The following NLK variants were observed in gnomAD, a reference collection of about 807,000 sequenced individuals.
The protein encoded by NLK is serine/threonine-protein kinase NLK.
Under a neutral mutation model 59.0 loss-of-function variants are expected in NLK, and 11 were observed. The observed-to-expected ratio is 0.19, with a 90% CI of 0.12 to 0.31. The LOEUF is 0.31. Ranked by LOEUF, NLK falls within the 10% of genes least tolerant of loss-of-function variation. NLK has a pLI of 1.00. For missense variants in NLK, 410 were observed against 661.1 expected (o/e 0.62, Z 4.16); for synonymous variants, 235 against 235.9 (o/e 1.00, Z 0.03).
chr17:28,155,982 A>T (rs1383793824), intron 3 of NLK, among the ~76,000 whole-genome samples: 1 of 152,206 alleles, frequency 6.6e-6, no homozygotes, highest in African/African-American at 2.4e-5. Flanking sequence ...GTACCCATGC[A>T]CATTAGTTTC....
chr17:28,047,623 A>G (rs893283196), intron 1 of NLK, among the ~76,000 whole-genome samples: 3 of 152,184 alleles, frequency 2.0e-5, no homozygotes, highest in Admixed American at 6.5e-5. Flanking sequence ...GTTTGGATGA[A>G]AAAGTGTGAA....
Position 28,185,164 on chromosome 17 carries a change from T to C in NLK, c.1150-15T>C. On this transcript the variant is annotated splice_polypyrimidine_tract_variant and intron_variant, in intron 7 of 10. Transcript: ENST00000407008. ...AAGACTCACTTAAATATTTGAATTTTTAATTTTTTCACAGCCATCTCTTCC... is the reference window on the plus strand; with the variant it reads ...AAGACTCACTTAAATATTTGAATTTCTAATTTTTTCACAGCCATCTCTTCC... The C allele has an allele frequency of 6.6e-7, 1 of 1,506,060 alleles. No homozygotes were observed. The allele number at this position is 1,506,060 out of a possible 1,614,324, so 93.3% of individuals were successfully genotyped here.
downstream of NLK, among the ~76,000 whole-genome samples, chr17:28,198,574 C>G (rs567750574): frequency 6.6e-6 from 1 of 152,332 alleles, no homozygotes; most frequent in East Asian, 1.9e-4. Context: ...ATCCACCCAC[C>G]TTGGCCTCCC....
At chr17:28,086,004 A>T (rs1414580984) in intron 1 of NLK, among the ~76,000 whole-genome samples, 1 of 152,146 alleles carries the variant, frequency 6.6e-6, no homozygotes, top group African/African-American at 2.4e-5. Context: ...AAAATCACCT[A>T]ATGACGCATT....
At chr17:28,085,511 G>A (rs1410857323) in intron 1 of NLK, among the ~76,000 whole-genome samples, 1 of 152,094 alleles carries the variant, frequency 6.6e-6, no homozygotes, top group African/African-American at 2.4e-5. Flanking sequence ...AGGCCGAGGT[G>A]GGTGCATCAC....
chr17:28,174,821 C>T (rs936308092), intron 7 of NLK, among the ~76,000 whole-genome samples: 1 of 152,102 alleles, frequency 6.6e-6, no homozygotes, highest in African/African-American at 2.4e-5. Flanking sequence ...TACCTTTTCA[C>T]TTCCCACTCC....
intron 2 of NLK, 59 bp from the exon 3 acceptor site, chr17:28,132,561 T>G: frequency 7.8e-7 from 1 of 1,288,078 alleles, no homozygotes; most frequent in Admixed American, 2.0e-5. Context: ...CTTGCATTTA[T>G]GTCGAATTTT....
intron 1 of NLK, among the ~76,000 whole-genome samples, chr17:28,075,838 A>G (rs548291170): frequency 1.3e-5 from 2 of 152,026 alleles, no homozygotes; most frequent in South Asian, 4.2e-4. Context: ...CGCACCCTTT[A>G]ATCTTACACT....
chr17:28,084,576 T>C (rs1050357934), intron 1 of NLK, among the ~76,000 whole-genome samples: 5 of 152,002 alleles, frequency 3.3e-5, no homozygotes, highest in African/African-American at 9.7e-5. Flanking sequence ...TTTCTTTTTT[T>C]TTTTCGAGAT....
At chr17:28,120,052 TGAAGTTTTCCCTTTTTCGTATTTCATTGA>T (rs1905958398) in intron 1 of NLK, among the ~76,000 whole-genome samples, 1 of 152,238 alleles carries the variant, frequency 6.6e-6, no homozygotes, top group South Asian at 2.1e-4. Flanking sequence ...GTGTGTGATC[TGAAGTTTTCCCTTTTTCGTATTTCATTGA>T]CATTTTTCTC....
At chr17:28,111,634 T>C (rs1905483581) in intron 1 of NLK, among the ~76,000 whole-genome samples, 2 of 152,184 alleles carry the variant, frequency 1.3e-5, no homozygotes, top group Non-Finnish European at 2.9e-5. Flanking sequence ...GTTGTCATTA[T>C]TGTTGTTATG....
At chr17:28,197,341 C>T (rs755170897), downstream of NLK, among the ~76,000 whole-genome samples, 8 of 151,804 alleles carry the variant, frequency 5.3e-5, no homozygotes, top group South Asian at 2.1e-4. Context: ...TGGTGGCGGG[C>T]GCCTATAATC....
Position 28,113,673 on chromosome 17 carries a change from C to T in NLK, c.459-8930C>T, listed in dbSNP as rs144992230. Reference sequence around the variant, plus strand: ...TTTACTGCAACCTGTTTTACCAGCACGGTCTTTATGACCTGTATCTTGTGC... The same window carrying T: ...TTTACTGCAACCTGTTTTACCAGCATGGTCTTTATGACCTGTATCTTGTGC... On this transcript the variant is annotated intron_variant, in intron 1 of 10. Coordinates refer to ENST00000407008, the MANE Select transcript of NLK (RefSeq NM_016231.5). Among the ~76,000 whole-genome samples, 6 of 152,280 alleles carry T rather than the reference C, an allele frequency of 3.9e-5. No individual in the cohort carries two copies. In the South Asian group the frequency reaches 6.2e-4, roughly 16 times the overall value.
the NLK span, among the ~76,000 whole-genome samples, chr17:28,203,210 C>G: frequency 6.6e-6 from 1 of 150,804 alleles, no homozygotes; most frequent in African/African-American, 2.4e-5. Context: ...CAGTCTCAGT[C>G]TGTTGTCCAG....
chr17:28,147,068 T>C (rs936720490), intron 3 of NLK, among the ~76,000 whole-genome samples: 4 of 152,362 alleles, frequency 2.6e-5, no homozygotes, highest in African/African-American at 7.2e-5. Context: ...CCTTGATTTT[T>C]ACATGTCAAT....
At chr17:28,045,268 A>G (rs971086446) in intron 1 of NLK, among the ~76,000 whole-genome samples, 4 of 152,234 alleles carry the variant, frequency 2.6e-5, no homozygotes, top group African/African-American at 7.2e-5. Flanking sequence ...CTTGAGGGTA[A>G]GGATTGTCTA....
chr17:28,183,348 T>A (rs1450101525), intron 7 of NLK, among the ~76,000 whole-genome samples: 1 of 152,078 alleles, frequency 6.6e-6, no homozygotes, highest in Non-Finnish European at 1.5e-5. Flanking sequence ...TTTTTTTTGT[T>A]TTTAGAATCT....
chr17:28,180,642 C>A (rs1005076720), intron 7 of NLK, among the ~76,000 whole-genome samples: 3 of 152,132 alleles, frequency 2.0e-5, no homozygotes, highest in African/African-American at 7.2e-5. Flanking sequence ...ATATCTTCAC[C>A]ACAAAAATAG....
At chr17:28,120,017 C>T (rs1463433682) in intron 1 of NLK, among the ~76,000 whole-genome samples, 1 of 152,096 alleles carries the variant, frequency 6.6e-6, no homozygotes, top group African/African-American at 2.4e-5. Flanking sequence ...TAGAGAATAC[C>T]AAAGAGACGT....
Sources: allele counts gnomAD v4.1 joint callset (sites outside exome capture counted in the v4.1 genomes callset), GRCh38; gene constraint gnomAD v4.1.1; transcripts MANE v1.5; gene names NCBI Gene and HGNC (gene_info 2026-07-23, HGNC 2026-07-21).